The following ZFAT variants were observed in gnomAD, a reference collection of about 807,000 sequenced individuals.
ZFAT encodes the protein zinc finger and AT-hook domain containing.
Under a neutral mutation model 117.7 loss-of-function variants are expected in ZFAT, and 64 were observed. The observed-to-expected ratio is 0.54, with a 90% confidence interval of 0.44 to 0.67. The LOEUF is 0.67. ZFAT is among the 30% of genes least tolerant of loss of function. The pLI is 0.00. For synonymous variants in ZFAT, 679 were observed against 615.0 expected, an observed-to-expected ratio of 1.10 and a Z score of -1.54; for missense variants, 1,433 against 1,584.5, an observed-to-expected ratio of 0.90 and a Z score of 1.62.
At chr8:134,533,086 A>G in intron 11 of ZFAT, 114 bp from the exon 12 acceptor site, 2 of 1,419,474 alleles carry the variant, frequency 1.4e-6, no homozygotes, top group Non-Finnish European at 1.9e-6. Flanking sequence ...AGCAGGCCCC[A>G]TCACCTGTGA....
the ZFAT span, among the ~76,000 whole-genome samples, chr8:134,831,336 A>C: frequency 6.6e-6 from 1 of 152,232 alleles, no homozygotes; most frequent in Non-Finnish European, 1.5e-5. Flanking sequence ...TGTCAAATCA[A>C]GCAGTTCCCT....
At chr8:134,746,891 A>G in the ZFAT span, among the ~76,000 whole-genome samples, 21 of 152,330 alleles carry the variant, frequency 1.4e-4, no homozygotes, top group East Asian at 4.0e-3. Flanking sequence ...TGTCTGCGAC[A>G]TTCCCTTTAT....
chr8:134,534,774 A>AG (rs1563818914), intron 11 of ZFAT, among the ~76,000 whole-genome samples: 1,445 of 101,804 alleles, frequency 0.014, 21 homozygotes, highest in African/African-American at 0.05. Flanking sequence ...AGAGAGGGAG[A>AG]AAGAGAGAGA....
chr8:134,731,777 A>G, the ZFAT span, among the ~76,000 whole-genome samples: 6 of 151,908 alleles, frequency 3.9e-5, no homozygotes, highest in Admixed American at 2.0e-4. Flanking sequence ...CTAGTCCCAG[A>G]TAAAACAGTT....
intron 5 of ZFAT, among the ~76,000 whole-genome samples, chr8:134,607,456 G>A (rs1251459345): frequency 6.6e-6 from 1 of 152,180 alleles, no homozygotes; most frequent in East Asian, 1.9e-4. Context: ...AATTCTATTA[G>A]ACAGTCTTAA....
At chr8:134,504,606 T>C (rs185807787) in intron 15 of ZFAT, among the ~76,000 whole-genome samples, 2 of 152,250 alleles carry the variant, frequency 1.3e-5, no homozygotes, top group African/African-American at 4.8e-5. Flanking sequence ...CAAGAAATTG[T>C]CATTTGTTAA....
chr8:134,740,105 C>G, the ZFAT span, among the ~76,000 whole-genome samples: 1 of 152,210 alleles, frequency 6.6e-6, no homozygotes, highest in Non-Finnish European at 1.5e-5. Flanking sequence ...CATTTCATCT[C>G]CCCACTCCCT....
At chr8:134,579,373 A>T (rs528067117) in intron 10 of ZFAT, among the ~76,000 whole-genome samples, 1 of 152,330 alleles carries the variant, frequency 6.6e-6, no homozygotes, top group Admixed American at 6.5e-5. Flanking sequence ...ATCGTGGTGA[A>T]AGGCACATCT....
At chr8:134,572,062 A>T (rs925571862) in intron 10 of ZFAT, among the ~76,000 whole-genome samples, 2 of 152,246 alleles carry the variant, frequency 1.3e-5, no homozygotes, top group African/African-American at 4.8e-5. Context: ...AATGAAAATA[A>T]CACATTGTCC....
intron 12 of ZFAT, among the ~76,000 whole-genome samples, chr8:134,521,453 T>A (rs1451474282): frequency 1.3e-5 from 2 of 152,332 alleles, no homozygotes; most frequent in East Asian, 3.9e-4. Flanking sequence ...ATTCTCAGTC[T>A]CCTTCACGTC....
chr8:134,553,169 A>G (rs1823309475), intron 11 of ZFAT, among the ~76,000 whole-genome samples: 1 of 152,160 alleles, frequency 6.6e-6, no homozygotes, highest in Admixed American at 6.5e-5. Context: ...TCACTGTTAG[A>G]AGGAGGCTGT....
intron 1 of ZFAT, among the ~76,000 whole-genome samples, chr8:134,686,643 C>A (rs769951343): frequency 2.0e-5 from 3 of 152,152 alleles, no homozygotes; most frequent in Non-Finnish European, 1.5e-5. Flanking sequence ...TGTGACCCTG[C>A]GCACACACAC....
At chr8:134,810,851 T>C in the ZFAT span, among the ~76,000 whole-genome samples, 1 of 152,192 alleles carries the variant, frequency 6.6e-6, no homozygotes, top group Non-Finnish European at 1.5e-5. Context: ...AGTCTGTATC[T>C]GAATAGTCTG....
At chr8:134,714,204 T>C (rs1170821384), upstream of ZFAT, among the ~76,000 whole-genome samples, 1 of 146,498 alleles carries the variant, frequency 6.8e-6, no homozygotes, top group African/African-American at 2.5e-5. Context: ...GAAATGCTAG[T>C]CTTTGCCTGT....
chr8:134,722,895 T>C, the ZFAT span: 5 of 152,088 alleles, frequency 3.3e-5, no homozygotes, highest in Non-Finnish European at 7.3e-5. Flanking sequence ...AGGTCATGAG[T>C]GGACTCTAAT....
chr8:134,610,786 G>A (rs1317604141), intron 3 of ZFAT, 131 bp from the exon 4 acceptor site: 11 of 1,004,004 alleles, frequency 1.1e-5, no homozygotes, highest in African/African-American at 4.9e-5. Flanking sequence ...CGCAGACCAC[G>A]GAATCACTGT....
At position 134,640,011 on chromosome 8, in the gene ZFAT, G is replaced by A. The variant is rs117873316; in HGVS notation, c.197-2299C>T. The A allele has an allele frequency of 8.3e-3, 2,871 of 345,484 alleles. 23 individuals carry two copies. The highest frequency in any genetic ancestry group is 0.011 in the Non-Finnish European group (1,989 of 176,708). The allele number at this position is 345,484 out of a possible 1,614,324, so 21.4% of individuals were successfully genotyped here. On this transcript the variant is annotated intron_variant, in intron 2 of 15. Transcript: ENST00000377838. ...TAGGCCCCCGGATGTCCCTCCTGAT[G>A]TCCTATGTTGTAGTTGGGAGAGAGG...
At chr8:134,825,447 TGAAAA>T in the ZFAT span, among the ~76,000 whole-genome samples, 2 of 152,364 alleles carry the variant, frequency 1.3e-5, no homozygotes, top group Non-Finnish European at 2.9e-5. Context: ...ATTAACAGAT[TGAAAA>T]GAAATGTTCA....
chr8:134,790,574 TACACATTCTGTTAGTTCACAACTGCCTC>T, the ZFAT span, among the ~76,000 whole-genome samples: 1 of 152,336 alleles, frequency 6.6e-6, no homozygotes, highest in East Asian at 1.9e-4. Context: ...AGTTGTATAC[TACACATTCTGTTAGTTCACAACTGCCTC>T]ACACCTTCTG....
Sources: allele counts gnomAD v4.1 joint callset (sites outside exome capture counted in the v4.1 genomes callset), GRCh38; gene constraint gnomAD v4.1.1; transcripts MANE v1.5; gene names NCBI Gene and HGNC (gene_info 2026-07-23, HGNC 2026-07-21).